Variants in PCSK5 observed in about 807,000 individuals in gnomAD.
PCSK5 encodes proprotein convertase subtilisin/kexin type 5.
A neutral mutation model predicts 233.2 loss-of-function variants in PCSK5; 129 were observed. The ratio of observed to expected loss-of-function variants is 0.55; its 90% CI spans 0.48 to 0.64. The LOEUF (loss-of-function observed/expected upper bound fraction) is 0.64. Ranked by LOEUF, PCSK5 falls within the 30% of genes least tolerant of loss-of-function variation. The pLI, the probability that PCSK5 is intolerant of heterozygous loss-of-function variation, is 0.00. For missense variants in PCSK5, 2,076 were observed against 2,430.1 expected (o/e 0.85, Z 3.06); for synonymous variants, 825 against 879.2 (o/e 0.94, Z 1.09).
At chr9:75,989,620 G>T (rs1310397461) in intron 3 of PCSK5, among the ~76,000 whole-genome samples, 1 of 152,174 alleles carries the variant, frequency 6.6e-6, no homozygotes, top group Non-Finnish European at 1.5e-5. Flanking sequence ...AAGGCTTGGT[G>T]AGAGCGGGAA....
intron 2 of PCSK5, among the ~76,000 whole-genome samples, chr9:75,959,404 A>C (rs1825236337): frequency 6.6e-6 from 1 of 152,194 alleles, no homozygotes; most frequent in African/African-American, 2.4e-5. Context: ...ACCATGTCAC[A>C]GACGGCTGCT....
chr9:76,117,184 T>C (rs549312775), intron 9 of PCSK5, among the ~76,000 whole-genome samples: 1 of 152,202 alleles, frequency 6.6e-6, no homozygotes, highest in Admixed American at 6.6e-5. Context: ...AGAACTAGAA[T>C]ACATCTATGA....
intron 5 of PCSK5, among the ~76,000 whole-genome samples, chr9:76,030,529 A>C (rs968017562): frequency 2.6e-5 from 4 of 152,216 alleles, no homozygotes; most frequent in African/African-American, 9.6e-5. Flanking sequence ...GTATTGAGAC[A>C]TATCAGAATT....
At chr9:76,285,578 G>T (rs1201774451) in intron 24 of PCSK5, among the ~76,000 whole-genome samples, 2 of 151,942 alleles carry the variant, frequency 1.3e-5, no homozygotes, top group South Asian at 2.1e-4. Flanking sequence ...GCTTGCATGG[G>T]GTATGAATGA....
In PCSK5 at chr9:75,974,358, C is replaced by T. The variant is rs1043922680; in HGVS notation, c.298-11774C>T. On this transcript the variant is annotated intron_variant, in intron 2 of 37. Transcript: ENST00000674117. ...TTGTCGAGTACCACCTCACTGGAAG[C>T]CCCGACAGTGGTTTCTGAGGTGAGG... Among the ~76,000 whole-genome samples, 78 of 152,180 alleles carry T rather than the reference C, an allele frequency of 5.1e-4. 3 individuals are homozygous for T. The highest frequency in any genetic ancestry group is 1.5e-4 in the Non-Finnish European group (10 of 68,024).
intron 20 of PCSK5, among the ~76,000 whole-genome samples, chr9:76,225,868 A>G (rs1027254614): frequency 3.3e-5 from 5 of 152,192 alleles, no homozygotes; most frequent in African/African-American, 1.2e-4. Context: ...AGTGCCTGGC[A>G]TGGTGAAGCA....
At chr9:76,165,895 G>T (rs1000842708) in intron 12 of PCSK5, among the ~76,000 whole-genome samples, 1 of 151,722 alleles carries the variant, frequency 6.6e-6, no homozygotes, top group African/African-American at 2.4e-5. Context: ...TGGAATCTCC[G>T]TAGCAGGTGT....
chr9:76,249,322 G>T (rs1383425220), intron 24 of PCSK5, among the ~76,000 whole-genome samples: 2 of 152,048 alleles, frequency 1.3e-5, no homozygotes, highest in Non-Finnish European at 2.9e-5. Context: ...TTAGCCTCAA[G>T]ATAATCACAA....
intron 35 of PCSK5, among the ~76,000 whole-genome samples, chr9:76,341,053 G>GAAAA (rs11446664): frequency 7.4e-6 from 1 of 134,692 alleles, no homozygotes; most frequent in Non-Finnish European, 1.6e-5. Context: ...TGTTTCTACA[G>GAAAA]AAAAAAAAAA....
At chr9:76,324,624 C>A (rs1287601437) in intron 32 of PCSK5, among the ~76,000 whole-genome samples, 1 of 152,154 alleles carries the variant, frequency 6.6e-6, no homozygotes, top group Admixed American at 6.5e-5. Context: ...CCCACTCAGT[C>A]CCTGCATGTT....
intron 5 of PCSK5, among the ~76,000 whole-genome samples, chr9:76,029,227 C>T (rs936886660): frequency 3.3e-5 from 5 of 152,050 alleles, no homozygotes; most frequent in East Asian, 1.9e-4. Flanking sequence ...TTTAATATAG[C>T]GTTTAAGCAG....
At chr9:76,323,711 C>T (rs1043283007) in intron 32 of PCSK5, among the ~76,000 whole-genome samples, 4 of 152,104 alleles carry the variant, frequency 2.6e-5, no homozygotes, top group Non-Finnish European at 5.9e-5. Flanking sequence ...TTAAATGAAT[C>T]ACTCATAAGC....
rs200452027 is a variant in PCSK5, at chr9:76,200,090, CCCTCT to C, written c.2626+10353_2626+10357del. Among the ~76,000 whole-genome samples the C allele has an allele frequency of 6.0e-3, 917 of 152,168 alleles. 27 individuals are homozygous for C. The highest frequency in any genetic ancestry group is 0.054 in the Admixed American group (821 of 15,270). On this transcript the variant is annotated intron_variant, in intron 20 of 37. Coordinates refer to ENST00000674117, the MANE Select transcript of PCSK5 (RefSeq NM_001372043.1). The stretch of plus-strand genomic sequence containing the variant: ...CCTCCGAACCAGCTCCCAGACTTCT[CCCTCT>C]CCTCTCCTATTTTCTCTCCTTTCCC...
chr9:76,054,764 TATA>T (rs1467455104), intron 5 of PCSK5, among the ~76,000 whole-genome samples: 1 of 152,202 alleles, frequency 6.6e-6, no homozygotes, highest in Non-Finnish European at 1.5e-5. Context: ...GTAATTCTAG[TATA>T]ATATCAAAGT....
intron 2 of PCSK5, among the ~76,000 whole-genome samples, chr9:75,955,157 G>A (rs1256598432): frequency 6.6e-6 from 1 of 152,080 alleles, no homozygotes; most frequent in African/African-American, 2.4e-5. Context: ...GACAAACTTT[G>A]GGGAAAGTGC....
intron 9 of PCSK5, among the ~76,000 whole-genome samples, chr9:76,122,326 T>G (rs1832673540): frequency 6.6e-6 from 1 of 152,092 alleles, no homozygotes; most frequent in African/African-American, 2.4e-5. Context: ...TGAATCATGG[T>G]TCATTTATCT....
At chr9:76,324,112 G>A (rs899207625) in intron 32 of PCSK5, among the ~76,000 whole-genome samples, 1 of 151,954 alleles carries the variant, frequency 6.6e-6, no homozygotes, top group African/African-American at 2.4e-5. Flanking sequence ...TTTTAGTAGA[G>A]AGGGGGTTTC....
intron 7 of PCSK5, among the ~76,000 whole-genome samples, chr9:76,087,764 G>A (rs955948832): frequency 1.3e-5 from 2 of 152,118 alleles, no homozygotes; most frequent in Admixed American, 6.5e-5. Flanking sequence ...AAAATTTCTT[G>A]GTTTAGTGAC....
intron 15 of PCSK5, among the ~76,000 whole-genome samples, chr9:76,180,573 T>C (rs1346733241): frequency 1.3e-5 from 2 of 152,022 alleles, no homozygotes; most frequent in Non-Finnish European, 2.9e-5. Flanking sequence ...ACTGCCCCCA[T>C]CAGAGTTCAT....
Sources: allele counts gnomAD v4.1 joint callset (sites outside exome capture counted in the v4.1 genomes callset), GRCh38; gene constraint gnomAD v4.1.1; transcripts MANE v1.5; gene names NCBI Gene and HGNC (gene_info 2026-07-23, HGNC 2026-07-21).